Variants in RPL37 observed in about 807,000 individuals in gnomAD.
RPL37 encodes the protein ribosomal protein L37, also known as large ribosomal subunit protein eL37.
RPL37 carries 1 observed loss-of-function variant against 14.8 expected under a neutral mutation model. The ratio of observed to expected loss-of-function variants is 0.07; its 90% CI spans 0.02 to 0.32. RPL37 has a LOEUF of 0.32. Among genes scored for constraint, RPL37 ranks in the 10% least tolerant of loss-of-function variants. The pLI is 1.00. For synonymous variants in RPL37, 53 were observed against 45.8 expected (o/e 1.16, Z -0.63); for missense variants, 100 against 128.3 (o/e 0.78, Z 1.06).
rs1343876301 is a variant in RPL37, at chr5:40,826,273, CAA to C, written c.*6229_*6230del. ...GATTTTTCCTACTTTGGGTAACTAT[CAA>C]AAGTCTCACACACACACACAACCCA... is the stretch of plus-strand genomic sequence containing the variant. On this transcript the variant is annotated 3_prime_UTR_variant, in exon 4 of 4. Transcript: ENST00000274242. 6.6e-5 allele frequency: 10 copies of C among 152,108 alleles called. No individual in the cohort carries two copies. Among genetic ancestry groups the C allele is most frequent in the African/African-American group, 1.7e-4 (7 of 41,412 alleles). The allele number at this position is 152,108 out of a possible 1,614,324, so 9.4% of individuals were successfully genotyped here.
At position 40,833,827 on chromosome 5, in the gene RPL37, G is replaced by C. The variant is rs562153325; in HGVS notation, c.224+354C>G. 1.1e-4 allele frequency: 21 copies of C among 196,052 alleles called. No individual in the cohort carries two copies. In the South Asian group the frequency reaches 1.9e-3, roughly 17 times the overall value. The allele number at this position is 196,052 out of a possible 1,614,324, so 12.1% of individuals were successfully genotyped here. A position where few individuals can be genotyped will look rare whatever the true frequency, so the allele number is the denominator to read the frequency against. ...GATAAAAGCTTTCAACATCTGGCCTGAGCCCAGGAGTTCCGAGATTATCCT... is the reference window on the plus strand; with the variant it reads ...GATAAAAGCTTTCAACATCTGGCCTCAGCCCAGGAGTTCCGAGATTATCCT... On this transcript the variant is annotated intron_variant, in intron 3 of 3. Transcript: ENST00000274242.
rs1358586989 is a variant in RPL37 at position 40,829,741 on chromosome 5, C to A, written c.*2763G>T. 1 of 151,774 alleles carries A rather than the reference C, an allele frequency of 6.6e-6. No homozygotes were observed. Among genetic ancestry groups the A allele is most frequent in the Non-Finnish European group, 1.5e-5 (1 of 68,012 alleles). 9.4% of individuals were successfully genotyped at this position (151,774 alleles called of 1,614,324 possible). On this transcript the variant is annotated 3_prime_UTR_variant, in exon 4 of 4. Coordinates refer to ENST00000274242, the MANE Select transcript of RPL37 (RefSeq NM_000997.5). ...GTCTCAATTAGAGGTGAGGCCTCTGCAGCTCACCGCAACCTCCGTCTCCCA... is the reference window on the plus strand; with the variant it reads ...GTCTCAATTAGAGGTGAGGCCTCTGAAGCTCACCGCAACCTCCGTCTCCCA...
chr5:40,828,507 CA>C lies in RPL37; in HGVS notation c.*3996del, dbSNP rs1745567461. Reference sequence around the variant, plus strand: ...GGGAACCACAGAATAGGTAAACTTCCAAAAGTATCTAGTGTTGTCTTTTAAA... The same window carrying C: ...GGGAACCACAGAATAGGTAAACTTCCAAAGTATCTAGTGTTGTCTTTTAAA... On this transcript the variant is annotated 3_prime_UTR_variant, in exon 4 of 4. Coordinates refer to ENST00000274242, the MANE Select transcript of RPL37 (RefSeq NM_000997.5). 1 of 152,118 alleles carries C rather than the reference CA, an allele frequency of 6.6e-6. No homozygotes were observed. Among genetic ancestry groups the C allele is most frequent in the South Asian group, 2.1e-4 (1 of 4,836 alleles). The allele number at this position is 152,118 out of a possible 1,614,324, so 9.4% of individuals were successfully genotyped here.
chr5:40,831,129 A>G lies in RPL37; in HGVS notation c.*1375T>C, dbSNP rs1374428847. The G allele has an allele frequency of 1.3e-5, 2 of 152,164 alleles. No homozygotes were observed. Among genetic ancestry groups the G allele is most frequent in the Admixed American group, 6.5e-5 (1 of 15,276 alleles). The allele number at this position is 152,164 out of a possible 1,614,324, so 9.4% of individuals were successfully genotyped here. On this transcript the variant is annotated 3_prime_UTR_variant, in exon 4 of 4. Transcript: ENST00000274242. ...GTGAATCTCCATCTCTACAAAAAACACAAAAATTAGCCAGGTGTGGTGGTG... is the reference window on the plus strand; with the variant it reads ...GTGAATCTCCATCTCTACAAAAAACGCAAAAATTAGCCAGGTGTGGTGGTG...
chr5:40,835,110 C>A, intron 1 of RPL37, 73 bp downstream of exon 1: 2 of 1,606,328 alleles, frequency 1.2e-6, no homozygotes, highest in Non-Finnish European at 1.7e-6. Context: ...GCCAGCCCCC[C>A]AAGCACAGCA....
In RPL37 at chr5:40,834,248, C is replaced by T. The variant is rs1804335; in HGVS notation, c.157G>A (p.Ala53Thr). 11 of 1,614,036 alleles carry T rather than the reference C, an allele frequency of 6.8e-6. No homozygotes were observed. Among genetic ancestry groups the T allele is most frequent in the African/African-American group, 2.7e-5 (2 of 75,020 alleles). ...RKRKYNWSAK[A>T]KRRNTTGTGR... ...GTTCCGGTGGTATTTCGTCTTTTAG[C>T]CTTGGCACTCCAGTTATCTAAAACA... Residue 53 changes from alanine (A) to threonine (T), a missense_variant, in exon 3 of 4, where the codon GCT becomes ACT. Around this residue, in one of 2 missense-constraint regions of RPL37, gnomAD observed 74 missense variants for 69.9 expected, o/e 1.06. Coordinates refer to ENST00000274242, the MANE Select transcript of RPL37 (RefSeq NM_000997.5).
intron 1 of RPL37, 198 bp downstream of exon 1, chr5:40,834,985 A>G (rs1561209545): frequency 7.0e-6 from 5 of 714,478 alleles, no homozygotes; most frequent in Admixed American, 6.9e-5. Flanking sequence ...CGGCTCTAGC[A>G]CCACAATTAC....
rs1745710989 is a variant in RPL37, at chr5:40,834,189, G to A, written c.216C>T (p.Arg72=). 1 of 1,611,930 alleles carries A rather than the reference G, an allele frequency of 6.2e-7. No individual in the cohort carries two copies. The highest frequency in any genetic ancestry group is 8.5e-7 in the Non-Finnish European group (1 of 1,178,014). Residue 72 remains arginine, a synonymous_variant, in exon 3 of 4, where the codon CGC becomes CGT. Transcript: ENST00000274242. ...GAACATACAAACTGTACCTGAATCTGCGGTATACAATTTTTAGGTGCCTCA... is the reference window on the plus strand; with the variant it reads ...GAACATACAAACTGTACCTGAATCTACGGTATACAATTTTTAGGTGCCTCA... ...GRMRHLKIVY[R]RFRHGFREGT...
Position 40,835,175 on chromosome 5 carries a change from C to T in RPL37, c.3+8G>A, listed in dbSNP as rs1358665294. ...ACGCGATTCACAAACACCACAGTCA[C>T]AACTCACCATCTCGCTTCTGCGGCC... On this transcript the variant is annotated splice_region_variant and intron_variant, in intron 1 of 3. Coordinates refer to ENST00000274242, the MANE Select transcript of RPL37 (RefSeq NM_000997.5). 4 of 1,614,158 alleles carry T rather than the reference C, an allele frequency of 2.5e-6. No individual in the cohort carries two copies. The highest frequency in any genetic ancestry group is 2.5e-6 in the Non-Finnish European group (3 of 1,180,036).
rs1479838249 is a variant in RPL37, at chr5:40,828,170, A to C, written c.*4334T>G. ...AAAACTCAAAAAGGGCTGAATGATA[A>C]GTCATTCAGGTAAAGACAAAAGAAT... On this transcript the variant is annotated 3_prime_UTR_variant, in exon 4 of 4. Transcript: ENST00000274242. 6.6e-6 allele frequency: 1 copy of C among 152,214 alleles called. No individual in the cohort carries two copies. The highest frequency in any genetic ancestry group is 1.5e-5 in the Non-Finnish European group (1 of 68,038). The allele number at this position is 152,214 out of a possible 1,614,324, so 9.4% of individuals were successfully genotyped here.
chr5:40,834,169 T>G lies in RPL37; in HGVS notation c.224+12A>C. 6.3e-7 allele frequency: 1 copy of G among 1,598,166 alleles called. No individual in the cohort carries two copies. ...CCACTGGACCAATTATGATCGAACA[T>G]ACAAACTGTACCTGAATCTGCGGTA... is the stretch of plus-strand genomic sequence containing the variant. On this transcript the variant is annotated intron_variant, in intron 3 of 3. Transcript: ENST00000274242.
intron 3 of RPL37, 182 bp downstream of exon 3, chr5:40,833,999 C>A: frequency 1.7e-6 from 1 of 588,866 alleles, no homozygotes; most frequent in Non-Finnish European, 3.0e-6. Flanking sequence ...GAGCCGTGAT[C>A]GTGCCACTAC....
At chr5:40,834,418 TAA>T in intron 2 of RPL37, 51 bp downstream of exon 2, 1 of 1,598,528 alleles carries the variant, frequency 6.3e-7, no homozygotes, top group South Asian at 1.1e-5. Context: ...TGCCCCCACT[TAA>T]GTGCAATACA....
In RPL37 at chr5:40,828,457, G is replaced by C. The variant is rs560545540; in HGVS notation, c.*4047C>G. On this transcript the variant is annotated 3_prime_UTR_variant, in exon 4 of 4. Coordinates refer to ENST00000274242, the MANE Select transcript of RPL37 (RefSeq NM_000997.5). ...CTAAATAGATACTTGCTTCATGAAT[G>C]AAGGGCACCATTTAGTCAATAAAAG... 2 of 152,106 alleles carry C rather than the reference G, an allele frequency of 1.3e-5. No individual in the cohort carries two copies. The highest frequency in any genetic ancestry group is 2.4e-5 in the African/African-American group (1 of 41,414). The allele number at this position is 152,106 out of a possible 1,614,324, so 9.4% of individuals were successfully genotyped here.
intron 2 of RPL37, 90 bp from the exon 3 acceptor site, chr5:40,834,355 C>A: frequency 6.4e-7 from 1 of 1,553,600 alleles, no homozygotes; most frequent in Non-Finnish European, 8.9e-7. Flanking sequence ...GCCACCTCAT[C>A]GGCATACAGA....
rs1187828081 is a variant in RPL37, at chr5:40,826,647, GTT to G, written c.*5855_*5856del. ...GCTGCCATGCGATCTCCCTGAAATT[GTT>G]TTTTTCAGGCCAGGGATGTGAGAAT... On this transcript the variant is annotated 3_prime_UTR_variant, in exon 4 of 4. Transcript: ENST00000274242. The G allele has an allele frequency of 1.3e-5, 2 of 152,180 alleles. No homozygotes were observed. Among genetic ancestry groups the G allele is most frequent in the Non-Finnish European group, 2.9e-5 (2 of 68,048 alleles). 9.4% of individuals were successfully genotyped at this position (152,180 alleles called of 1,614,324 possible). A position where few individuals can be genotyped will look rare whatever the true frequency, so the allele number is the denominator to read the frequency against.
rs529832145 is a variant in RPL37, at chr5:40,831,515, G to A, written c.*989C>T. ...TTCCAAGGCCAGGTTAAGAACCTCA[G>A]ATGTTATTCTAAACACAGTGGAGAA... is the stretch of plus-strand genomic sequence containing the variant. On this transcript the variant is annotated 3_prime_UTR_variant, in exon 4 of 4. Coordinates refer to ENST00000274242, the MANE Select transcript of RPL37 (RefSeq NM_000997.5). 6.6e-6 allele frequency: 1 copy of A among 152,452 alleles called. No homozygotes were observed. The highest frequency in any genetic ancestry group is 6.5e-5 in the Admixed American group (1 of 15,300). The allele number at this position is 152,452 out of a possible 1,614,324, so 9.4% of individuals were successfully genotyped here.
rs183667860 is a variant in RPL37 at position 40,828,725 on chromosome 5, C to T, written c.*3779G>A. The stretch of plus-strand genomic sequence containing the variant: ...TGACTGAGTGCCCCCCTCAAACAAT[C>T]CCCTTCCTTGGTTTGTGTGACTCCA... On this transcript the variant is annotated 3_prime_UTR_variant, in exon 4 of 4. Transcript: ENST00000274242. The T allele has an allele frequency of 2.4e-4, 37 of 152,298 alleles. No homozygotes were observed. The highest frequency in any genetic ancestry group is 2.1e-3 in the Admixed American group (32 of 15,290). 9.4% of individuals were successfully genotyped at this position (152,298 alleles called of 1,614,324 possible).
In RPL37 at chr5:40,829,892, C is replaced by A. The variant is rs1745603152; in HGVS notation, c.*2612G>T. 6.6e-6 allele frequency: 1 copy of A among 152,114 alleles called. No individual in the cohort carries two copies. Among genetic ancestry groups the A allele is most frequent in the Admixed American group, 6.5e-5 (1 of 15,268 alleles). The allele number at this position is 152,114 out of a possible 1,614,324, so 9.4% of individuals were successfully genotyped here. On this transcript the variant is annotated 3_prime_UTR_variant, in exon 4 of 4. Transcript: ENST00000274242. ...GTTTCTCCATGTTGGTCAGGCTGGT[C>A]TCGAACTCCCCACCTCACGTGAACT... is the stretch of plus-strand genomic sequence containing the variant.
Sources: gnomAD v4.1 joint callset for allele counts on GRCh38, gnomAD v4.1.1 for gene constraint, gnomAD v4.1.1 regional missense constraint, MANE v1.5 for transcripts, NCBI Gene and HGNC (gene_info 2026-07-23, HGNC 2026-07-21) for gene names.